Variants in SERGEF observed in about 807,000 individuals in gnomAD.
SERGEF encodes the protein secretion regulating guanine nucleotide exchange factor.
In SERGEF, 51 loss-of-function variants were observed where a neutral mutation model predicts 50.0. That is an observed-to-expected ratio of 1.02 (90% confidence interval 0.81 to 1.29). The LOEUF (loss-of-function observed/expected upper bound fraction) is 1.29. Ranked by LOEUF, SERGEF falls within the 50% of genes most tolerant of loss-of-function variation. The probability of loss-of-function intolerance (pLI) is 0.00; values close to 1 mark genes in which losing one functional copy is unlikely to be tolerated. For missense variants in SERGEF, 521 were observed against 557.0 expected, an observed-to-expected ratio of 0.94 and a Z score of 0.65; for synonymous variants, 205 against 212.4, an observed-to-expected ratio of 0.97 and a Z score of 0.30.
chr11:17,791,886 T>G (rs565741927), intron 10 of SERGEF, among the ~76,000 whole-genome samples: 55 of 152,380 alleles, frequency 3.6e-4, no homozygotes, highest in Non-Finnish European at 6.5e-4. Flanking sequence ...CTTTGTTGTT[T>G]GAAAGACTTT....
chr11:17,881,174 CT>C lies in SERGEF; in HGVS notation c.1012-2931del, dbSNP rs777960604. On this transcript the variant is annotated intron_variant, in intron 9 of 10. Coordinates refer to ENST00000265965, the MANE Select transcript of SERGEF (RefSeq NM_012139.4). ...TGTTCTTTACTGCTACATCATGTTA[CT>C]TTTGTTATTGTTTTAAAGTTATTTT... 3.9e-5 allele frequency among the ~76,000 whole-genome samples: 6 copies of C among 152,172 alleles called. No homozygotes were observed. The East Asian group carries it at 9.6e-4, about 24-fold the overall frequency.
chr11:17,837,785 T>G (rs1428581570), intron 10 of SERGEF, among the ~76,000 whole-genome samples: 1 of 151,344 alleles, frequency 6.6e-6, no homozygotes, highest in Non-Finnish European at 1.5e-5. Context: ...CTCAGCCTCC[T>G]GAGTATCTGG....
chr11:17,880,498 A>G (rs1212231643), intron 9 of SERGEF, among the ~76,000 whole-genome samples: 3 of 152,246 alleles, frequency 2.0e-5, no homozygotes, highest in African/African-American at 7.2e-5. Flanking sequence ...GATATGAAAA[A>G]TTACATAAAA....
At chr11:17,909,229 T>C (rs1437580220) in intron 9 of SERGEF, among the ~76,000 whole-genome samples, 1 of 152,246 alleles carries the variant, frequency 6.6e-6, no homozygotes, top group Non-Finnish European at 1.5e-5. Flanking sequence ...GGGCATATGA[T>C]ACCTATTTCA....
chr11:17,872,436 C>T (rs1851157557), intron 10 of SERGEF, among the ~76,000 whole-genome samples: 1 of 152,028 alleles, frequency 6.6e-6, no homozygotes, highest in Non-Finnish European at 1.5e-5. Context: ...CAAAAGCTAC[C>T]CTGAGTAGTT....
chr11:17,845,682 C>T (rs1850594184), intron 10 of SERGEF, among the ~76,000 whole-genome samples: 1 of 152,136 alleles, frequency 6.6e-6, no homozygotes, highest in Admixed American at 6.5e-5. Context: ...ATACAAATGA[C>T]TAAGACTGAT....
rs146040739 is a variant in SERGEF, at chr11:17,840,229, T to A, written c.1048+37979A>T. On this transcript the variant is annotated intron_variant, in intron 10 of 10. Coordinates refer to ENST00000265965, the MANE Select transcript of SERGEF (RefSeq NM_012139.4). The stretch of plus-strand genomic sequence containing the variant: ...TTTCATCACTCACTGCACTGTATTT[T>A]AGATACACTACAGGATATTTTAAAG... Among the ~76,000 whole-genome samples the A allele has an allele frequency of 5.2e-4, 79 of 152,364 alleles. 1 individual carries two copies. Among genetic ancestry groups the A allele is most frequent in the African/African-American group, 1.8e-3 (75 of 41,590 alleles).
At chr11:17,834,335 G>A (rs763090848) in intron 10 of SERGEF, among the ~76,000 whole-genome samples, 14 of 152,164 alleles carry the variant, frequency 9.2e-5, no homozygotes, top group Non-Finnish European at 1.0e-4. Flanking sequence ...TCAGTCACAT[G>A]AAACTGTTAA....
intron 10 of SERGEF, among the ~76,000 whole-genome samples, chr11:17,830,685 A>T (rs11024414): frequency 3.4e-5 from 4 of 118,878 alleles, no homozygotes; most frequent in Non-Finnish European, 7.3e-5. Flanking sequence ...AGAGAGAGAG[A>T]GAGCACATGT....
At position 17,962,886 on chromosome 11, in the gene SERGEF, G is replaced by A. The variant is rs148608545; in HGVS notation, c.845-3250C>T. Among the ~76,000 whole-genome samples, 10 of 152,084 alleles carry A rather than the reference G, an allele frequency of 6.6e-5. No individual in the cohort carries two copies. The East Asian group carries it at 9.7e-4, about 15-fold the overall frequency. On this transcript the variant is annotated intron_variant, in intron 8 of 10. Coordinates refer to ENST00000265965, the MANE Select transcript of SERGEF (RefSeq NM_012139.4). Reference sequence around the variant, plus strand: ...AGCGTGAGGGGATGAGCAAAGATACGAAAATCAAAAGGCGGCCAGGCACAG... The same window carrying A: ...AGCGTGAGGGGATGAGCAAAGATACAAAAATCAAAAGGCGGCCAGGCACAG...
intron 9 of SERGEF, among the ~76,000 whole-genome samples, chr11:17,945,897 G>A (rs1852649591): frequency 6.6e-6 from 1 of 152,110 alleles, no homozygotes; most frequent in African/African-American, 2.4e-5. Context: ...AGAATTGCTT[G>A]AACCCAGGAG....
At chr11:17,789,327 G>A (rs1156310439) in intron 10 of SERGEF, among the ~76,000 whole-genome samples, 1 of 152,222 alleles carries the variant, frequency 6.6e-6, no homozygotes, top group African/African-American at 2.4e-5. Context: ...ACTGCACTCT[G>A]TGGTGAGGGA....
chr11:17,976,627 G>A (rs1474049899), intron 8 of SERGEF, among the ~76,000 whole-genome samples: 1 of 152,044 alleles, frequency 6.6e-6, no homozygotes, highest in Non-Finnish European at 1.5e-5. Context: ...GAGCACCCAT[G>A]GGATAGGCAA....
chr11:17,849,043 A>C (rs1022207437), intron 10 of SERGEF, among the ~76,000 whole-genome samples: 13 of 152,192 alleles, frequency 8.5e-5, no homozygotes, highest in African/African-American at 3.1e-4. Context: ...AATAATATCT[A>C]TTCACCCAAT....
At chr11:17,815,643 G>A (rs1849960370) in intron 10 of SERGEF, among the ~76,000 whole-genome samples, 1 of 150,460 alleles carries the variant, frequency 6.6e-6, no homozygotes, top group Non-Finnish European at 1.5e-5. Flanking sequence ...ACAAAAACCG[G>A]CCGGGCTTGG....
chr11:17,802,713 G>A (rs951893666), intron 10 of SERGEF, among the ~76,000 whole-genome samples: 17 of 151,978 alleles, frequency 1.1e-4, no homozygotes, highest in South Asian at 2.1e-4. Flanking sequence ...CCCTCTGCCC[G>A]GAACCTTCCT....
chr11:17,806,372 T>C (rs772161654), intron 10 of SERGEF, among the ~76,000 whole-genome samples: 1 of 152,244 alleles, frequency 6.6e-6, no homozygotes, highest in South Asian at 2.1e-4. Flanking sequence ...TCTTACCATA[T>C]ATCAAGAACT....
chr11:17,924,191 A>G (rs564326236), intron 9 of SERGEF, among the ~76,000 whole-genome samples: 1 of 152,358 alleles, frequency 6.6e-6, no homozygotes, highest in African/African-American at 2.4e-5. Flanking sequence ...ACATTCAAAC[A>G]AATGGTTCTG....
intron 9 of SERGEF, among the ~76,000 whole-genome samples, chr11:17,902,222 G>A (rs898265400): frequency 1.1e-4 from 16 of 152,150 alleles, no homozygotes; most frequent in African/African-American, 3.9e-4. Context: ...GGGAATTGAA[G>A]GTTTGATTGA....
Sources: allele counts gnomAD v4.1 joint callset (sites outside exome capture counted in the v4.1 genomes callset), GRCh38; gene constraint gnomAD v4.1.1; transcripts MANE v1.5; gene names NCBI Gene and HGNC (gene_info 2026-07-23, HGNC 2026-07-21).